The following BRD4 variants were observed in gnomAD, a reference collection of about 807,000 sequenced individuals.
The protein encoded by BRD4 is bromodomain containing 4.
BRD4 carries 16 observed loss-of-function variants against 142.1 expected under a neutral mutation model. That is an observed-to-expected ratio of 0.11 (90% confidence interval 0.08 to 0.17). The LOEUF (loss-of-function observed/expected upper bound fraction) is 0.17, where lower values mean the gene tolerates loss of function less well. Among genes scored for constraint, BRD4 ranks in the 10% least tolerant of loss-of-function variants. The pLI is 1.00. For missense variants in BRD4, 1,424 were observed against 1,810.9 expected, an observed-to-expected ratio of 0.79 and a Z score of 3.88; for synonymous variants, 833 against 707.5, an observed-to-expected ratio of 1.18 and a Z score of -2.82.
chr19:15,309,276 T>G (rs548390612), intron 1 of BRD4, among the ~76,000 whole-genome samples: 23 of 135,484 alleles, frequency 1.7e-4, no homozygotes, highest in African/African-American at 6.0e-4. Context: ...GAGCTTGCAG[T>G]GAGCAGAGCA....
intron 14 of BRD4, among the ~76,000 whole-genome samples, chr19:15,241,682 AG>A (rs1205393448): frequency 9.2e-5 from 14 of 152,166 alleles, no homozygotes; most frequent in Non-Finnish European, 1.8e-4. Context: ...ACAGGAGTCC[AG>A]CCCTGCTTCG....
intron 11 of BRD4, 162 bp from the exon 12 acceptor site, chr19:15,244,924 G>A: frequency 7.7e-7 from 1 of 1,293,182 alleles, no homozygotes; most frequent in Non-Finnish European, 1.0e-6. Flanking sequence ...CATCACGGGA[G>A]AGGGAGAGAC....
intron 11 of BRD4, among the ~76,000 whole-genome samples, chr19:15,250,713 G>A (rs2047334621): frequency 6.6e-6 from 1 of 152,180 alleles, no homozygotes; most frequent in African/African-American, 2.4e-5. Context: ...GGACACTTCT[G>A]CTCACAAAGA....
intron 1 of BRD4, among the ~76,000 whole-genome samples, chr19:15,308,147 C>CGGGGGG (rs797004193): frequency 3.4e-4 from 1 of 2,946 alleles, no homozygotes; most frequent in African/African-American, 1.5e-3. Context: ...GTTGCGGGGC[C>CGGGGGG]GGGGGGGGGG....
chr19:15,267,367 G>A, intron 4 of BRD4, 49 bp downstream of exon 4: 3 of 1,601,390 alleles, frequency 1.9e-6, no homozygotes, highest in Non-Finnish European at 2.6e-6. Context: ...TTGGAAAAGG[G>A]ACAAAGGTCG....
chr19:15,262,466 A>C (rs1410576243), intron 7 of BRD4, among the ~76,000 whole-genome samples: 1 of 150,510 alleles, frequency 6.6e-6, no homozygotes, highest in Non-Finnish European at 1.5e-5. Flanking sequence ...AGGCAGGTGG[A>C]TCACTTAAGC....
At position 15,332,422 on chromosome 19, in the gene BRD4, C is replaced by G. The variant is rs1281663193; in HGVS notation, c.-167G>C. 4.8e-5 allele frequency: 7 copies of G among 146,846 alleles called. No individual in the cohort carries two copies. Among genetic ancestry groups the G allele is most frequent in the African/African-American group, 1.7e-4 (7 of 40,634 alleles). 9.1% of individuals were successfully genotyped at this position (146,846 alleles called of 1,614,324 possible). ...CTCACAGGCCGCGCTCGCCCGCGGG[C>G]ACCGCCGGCAGCCGCCGCAGCCGCT... is the stretch of plus-strand genomic sequence containing the variant. On this transcript the variant is annotated 5_prime_UTR_variant, in exon 1 of 20. Transcript: ENST00000679869.
At chr19:15,265,037 A>G (rs1039040434) in intron 5 of BRD4, among the ~76,000 whole-genome samples, 2 of 152,206 alleles carry the variant, frequency 1.3e-5, no homozygotes, top group African/African-American at 2.4e-5. Context: ...GCTGCTTAGT[A>G]CCTAACACCA....
intron 1 of BRD4, among the ~76,000 whole-genome samples, chr19:15,319,031 G>A (rs1194537891): frequency 6.6e-6 from 1 of 152,194 alleles, no homozygotes; most frequent in East Asian, 1.9e-4. Context: ...GTCTAGAAAA[G>A]TAAGATACAT....
At position 15,236,056 on chromosome 19, in the gene BRD4, A is replaced by G. The variant is rs2047189849; in HGVS notation, c.*2321T>C. On this transcript the variant is annotated 3_prime_UTR_variant, in exon 20 of 20. Transcript: ENST00000679869. ...AGAAAGTGCCTGAGTGGGCATGGAC[A>G]TCGAAGAAGTGGGGGGACCTCTGGC... is the stretch of plus-strand genomic sequence containing the variant. The G allele has an allele frequency of 6.6e-6, 1 of 152,266 alleles. No individual in the cohort carries two copies. The highest frequency in any genetic ancestry group is 2.1e-4 in the South Asian group (1 of 4,836). 9.4% of individuals were successfully genotyped at this position (152,266 alleles called of 1,614,324 possible).
intron 1 of BRD4, among the ~76,000 whole-genome samples, chr19:15,315,712 C>T (rs994099587): frequency 3.9e-5 from 6 of 152,046 alleles, no homozygotes; most frequent in Non-Finnish European, 5.9e-5. Flanking sequence ...AAAAACCAGC[C>T]GGGCGTGGTG....
At chr19:15,256,456 A>T (rs2047409870) in intron 8 of BRD4, among the ~76,000 whole-genome samples, 193 bp from the exon 9 acceptor site, 1 of 152,196 alleles carries the variant, frequency 6.6e-6, no homozygotes, top group Non-Finnish European at 1.5e-5. Flanking sequence ...TAACAAGACT[A>T]TCTCCACCCA....
At chr19:15,293,198 G>C (rs1209018908) in intron 1 of BRD4, among the ~76,000 whole-genome samples, 2 of 152,172 alleles carry the variant, frequency 1.3e-5, no homozygotes, top group African/African-American at 4.8e-5. Context: ...AAAAACCGAA[G>C]CTAAAAAACA....
chr19:15,277,478 T>C (rs948757923), intron 1 of BRD4, among the ~76,000 whole-genome samples: 6 of 152,120 alleles, frequency 3.9e-5, no homozygotes, highest in Non-Finnish European at 7.3e-5. Context: ...GATCAGCAAG[T>C]TGCTGTAATA....
chr19:15,252,319 A>C (rs544083260), intron 11 of BRD4, among the ~76,000 whole-genome samples: 2 of 152,336 alleles, frequency 1.3e-5, no homozygotes, highest in South Asian at 4.1e-4. Flanking sequence ...CATTTTAGTT[A>C]ATCAGGTCCC....
intron 1 of BRD4, among the ~76,000 whole-genome samples, chr19:15,277,316 G>T (rs775581846): frequency 6.6e-6 from 1 of 152,154 alleles, no homozygotes; most frequent in African/African-American, 2.4e-5. Flanking sequence ...AGCAAGGTTA[G>T]ACAATGCTGT....
chr19:15,241,876 G>T (rs1004159569), intron 14 of BRD4, among the ~76,000 whole-genome samples: 10 of 145,606 alleles, frequency 6.9e-5, no homozygotes, highest in African/African-American at 2.6e-4. Context: ...GCAGTGGCAC[G>T]ATCTCAGCTC....
intron 1 of BRD4, among the ~76,000 whole-genome samples, chr19:15,331,348 G>A (rs2048156114): frequency 6.6e-6 from 1 of 152,186 alleles, no homozygotes; most frequent in Non-Finnish European, 1.5e-5. Flanking sequence ...TTCCGTTTGG[G>A]AGGAGGGGGA....
At chr19:15,267,343 G>T in intron 4 of BRD4, 73 bp downstream of exon 4, 1 of 1,562,594 alleles carries the variant, frequency 6.4e-7, no homozygotes. Context: ...GCCACTCCCA[G>T]CCCCCCACCA....
Sources: gnomAD v4.1 joint callset for allele counts (sites outside exome capture counted in the v4.1 genomes callset) on GRCh38, gnomAD v4.1.1 for gene constraint, MANE v1.5 for transcripts, NCBI Gene and HGNC (gene_info 2026-07-23, HGNC 2026-07-21) for gene names.